CAMTA1: variants seen among roughly 807,000 people sequenced by gnomAD.
The protein encoded by CAMTA1 is calmodulin-binding transcription activator 1.
A neutral mutation model predicts 170.9 loss-of-function variants in CAMTA1; 27 were observed. The ratio of observed to expected loss-of-function variants is 0.16; its 90% CI spans 0.12 to 0.22. CAMTA1 has a LOEUF of 0.22. Ranked by LOEUF, CAMTA1 falls within the 10% of genes least tolerant of loss-of-function variation. The pLI is 1.00. For synonymous variants in CAMTA1, 833 were observed against 891.5 expected (o/e 0.93, Z 1.17); for missense variants, 1,619 against 2,217.2 (o/e 0.73, Z 5.42).
At chr1:7,042,855 G>A (rs1049914675) in intron 3 of CAMTA1, among the ~76,000 whole-genome samples, 10 of 152,218 alleles carry the variant, frequency 6.6e-5, no homozygotes, top group Non-Finnish European at 1.2e-4. Flanking sequence ...TTGAAATTAA[G>A]CTATTTAATT....
chr1:7,764,344 A>C (rs2097000979), intron 22 of CAMTA1, among the ~76,000 whole-genome samples: 1 of 152,258 alleles, frequency 6.6e-6, no homozygotes, highest in South Asian at 2.1e-4. Flanking sequence ...TATAAAAATC[A>C]CACTAGGACC....
intron 3 of CAMTA1, among the ~76,000 whole-genome samples, chr1:6,994,204 C>T (rs887012414): frequency 3.0e-4 from 46 of 151,916 alleles, no homozygotes; most frequent in African/African-American, 1.1e-3. Flanking sequence ...TTTAAACAGC[C>T]ACATGTGTTT....
chr1:7,404,345 A>G (rs1176852528), intron 5 of CAMTA1, among the ~76,000 whole-genome samples: 1 of 152,184 alleles, frequency 6.6e-6, no homozygotes, highest in Non-Finnish European at 1.5e-5. Context: ...AGCCTCCTCC[A>G]ACACCCAACA....
chr1:7,039,034 T>G (rs1436998778), intron 3 of CAMTA1, among the ~76,000 whole-genome samples: 1 of 152,146 alleles, frequency 6.6e-6, no homozygotes, highest in African/African-American at 2.4e-5. Flanking sequence ...AGCAAGACTC[T>G]GTCTCAAAAA....
intron 5 of CAMTA1, among the ~76,000 whole-genome samples, chr1:7,276,303 A>ATATATATATATTTTTT: frequency 1.2e-4 from 3 of 24,224 alleles, no homozygotes; most frequent in African/African-American, 6.0e-4. Context: ...ATATATATAT[A>ATATATATATATTTTTT]TTTTTTTTTT....
intron 4 of CAMTA1, among the ~76,000 whole-genome samples, chr1:7,226,396 C>T (rs1460098805): frequency 6.6e-6 from 1 of 152,132 alleles, no homozygotes; most frequent in Non-Finnish European, 1.5e-5. Context: ...AGCAGGTGCC[C>T]CGTGAATGCT....
intron 3 of CAMTA1, among the ~76,000 whole-genome samples, chr1:6,991,981 C>G (rs901289901): frequency 6.6e-6 from 1 of 152,076 alleles, no homozygotes; most frequent in African/African-American, 2.4e-5. Flanking sequence ...GGATTACAGG[C>G]GTGAGCCACT....
At chr1:6,841,941 G>A (rs1655898852) in intron 3 of CAMTA1, among the ~76,000 whole-genome samples, 1 of 152,130 alleles carries the variant, frequency 6.6e-6, no homozygotes, top group South Asian at 2.1e-4. Flanking sequence ...CATTCCACGG[G>A]TGGTGGCCAA....
At chr1:7,127,092 G>A (rs1185838159) in intron 4 of CAMTA1, among the ~76,000 whole-genome samples, 1 of 152,068 alleles carries the variant, frequency 6.6e-6, no homozygotes, top group African/African-American at 2.4e-5. Flanking sequence ...TCTTTGTAGG[G>A]TCAGGCAGCA....
chr1:7,513,281 G>A (rs929742399), intron 6 of CAMTA1, among the ~76,000 whole-genome samples: 7 of 152,140 alleles, frequency 4.6e-5, no homozygotes, highest in African/African-American at 1.7e-4. Flanking sequence ...AGGCTGACTC[G>A]TGGTCTTGCC....
At chr1:7,645,087 AC>A (rs2095793791) in intron 7 of CAMTA1, among the ~76,000 whole-genome samples, 1 of 151,978 alleles carries the variant, frequency 6.6e-6, no homozygotes, top group Non-Finnish European at 1.5e-5. Flanking sequence ...CACCCAGTAA[AC>A]CCCCATAGTG....
intron 3 of CAMTA1, among the ~76,000 whole-genome samples, chr1:7,053,334 C>T (rs1706747939): frequency 6.6e-6 from 1 of 152,332 alleles, no homozygotes. Context: ...TTCATCGAAG[C>T]TCTATGCCCA....
In CAMTA1 at chr1:7,007,260, G is replaced by A. The variant is rs1315265738; in HGVS notation, c.235-84044G>A. Among the ~76,000 whole-genome samples the A allele has an allele frequency of 2.0e-5, 3 of 152,176 alleles. No homozygotes were observed. The highest frequency in any genetic ancestry group is 2.0e-4 in the Admixed American group (3 of 15,288). ...GGGTCCACATTGTCACAGCAGCTTGGAGCGTGGAAGCACACATATAATCAT... is the reference window on the plus strand; with the variant it reads ...GGGTCCACATTGTCACAGCAGCTTGAAGCGTGGAAGCACACATATAATCAT... On this transcript the variant is annotated intron_variant, in intron 3 of 22. Transcript: ENST00000303635. The surrounding 1 kb of genome is among the most constrained non-coding windows in gnomAD (Gnocchi z 4.5).
chr1:7,660,963 T>TA (rs2095951249), intron 7 of CAMTA1, among the ~76,000 whole-genome samples: 1 of 152,234 alleles, frequency 6.6e-6, no homozygotes, highest in Non-Finnish European at 1.5e-5. Flanking sequence ...AAAGTCGGTT[T>TA]AGACTTCCAG....
chr1:7,133,362 G>C (rs188379824), intron 4 of CAMTA1, among the ~76,000 whole-genome samples: 1 of 152,072 alleles, frequency 6.6e-6, no homozygotes, highest in Non-Finnish European at 1.5e-5. Context: ...ATTCATTGCC[G>C]TAAAATTATT....
intron 5 of CAMTA1, among the ~76,000 whole-genome samples, chr1:7,273,164 T>C (rs1670100814): frequency 6.6e-6 from 1 of 152,224 alleles, no homozygotes; most frequent in Admixed American, 6.5e-5. Flanking sequence ...TCCAAAATGC[T>C]GGTGCTGCTG....
chr1:7,760,510 G>A (rs924503228), intron 22 of CAMTA1, among the ~76,000 whole-genome samples: 1 of 152,240 alleles, frequency 6.6e-6, no homozygotes. Context: ...GTGGCCCGAT[G>A]TGTTCATGAG....
chr1:7,214,419 T>C (rs1659370915), intron 4 of CAMTA1, among the ~76,000 whole-genome samples: 1 of 150,288 alleles, frequency 6.7e-6, no homozygotes, highest in African/African-American at 2.5e-5. Flanking sequence ...CAGGCTGGAG[T>C]GCAGTGGTGC....
chr1:7,621,954 G>A (rs1159098985), intron 6 of CAMTA1, among the ~76,000 whole-genome samples: 16 of 152,204 alleles, frequency 1.1e-4, no homozygotes, highest in Admixed American at 1.0e-3. Flanking sequence ...TTCTCTGGGT[G>A]ACCTCGTGTG....
Sources: gnomAD v4.1 joint callset for allele counts (sites outside exome capture counted in the v4.1 genomes callset) on GRCh38, gnomAD v4.1.1 for gene constraint, Gnocchi (gnomAD v3.1) non-coding constraint, MANE v1.5 for transcripts, NCBI Gene and HGNC (gene_info 2026-07-23, HGNC 2026-07-21) for gene names.